Variants in CHSY3 observed in about 807,000 individuals in gnomAD.
The protein encoded by CHSY3 is chondroitin sulfate synthase 3.
Under a neutral mutation model 67.2 loss-of-function variants are expected in CHSY3, and 35 were observed. The ratio of observed to expected loss-of-function variants is 0.52; its 90% CI spans 0.40 to 0.69. The LOEUF (loss-of-function observed/expected upper bound fraction) is 0.69, where lower values mean the gene tolerates loss of function less well. Among genes scored for constraint, CHSY3 ranks in the 30% least tolerant of loss-of-function variants. The pLI is 0.00. For synonymous variants in CHSY3, 474 were observed against 434.7 expected, an observed-to-expected ratio of 1.09 and a Z score of -1.12; for missense variants, 1,069 against 1,138.5, an observed-to-expected ratio of 0.94 and a Z score of 0.88.
At chr5:130,028,046 C>T (rs527347363) in intron 2 of CHSY3, among the ~76,000 whole-genome samples, 1 of 152,274 alleles carries the variant, frequency 6.6e-6, no homozygotes, top group Admixed American at 6.5e-5. Context: ...GGAATCACCA[C>T]ACTGTCTTCC....
intron 2 of CHSY3, among the ~76,000 whole-genome samples, chr5:129,921,174 A>G (rs1052354767): frequency 2.6e-5 from 4 of 152,074 alleles, no homozygotes; most frequent in Non-Finnish European, 4.4e-5. Flanking sequence ...GAGACATTAT[A>G]TGGCTTCTCT....
At chr5:130,166,971 A>G (rs1272556894) in intron 2 of CHSY3, among the ~76,000 whole-genome samples, 2 of 152,120 alleles carry the variant, frequency 1.3e-5, no homozygotes, top group Non-Finnish European at 2.9e-5. Context: ...TCAAAGAAAA[A>G]TTACTAAAGG....
intron 2 of CHSY3, among the ~76,000 whole-genome samples, chr5:130,151,109 G>A (rs1380529271): frequency 1.3e-5 from 2 of 152,184 alleles, no homozygotes. Context: ...TGGATATTTT[G>A]TGGGGATTAT....
intron 2 of CHSY3, among the ~76,000 whole-genome samples, chr5:129,949,313 A>C (rs956374284): frequency 6.6e-6 from 1 of 152,188 alleles, no homozygotes; most frequent in Non-Finnish European, 1.5e-5. Flanking sequence ...ATAAGAAACT[A>C]TGAACAATTA....
At chr5:129,976,913 C>CATAT (rs5871372) in intron 2 of CHSY3, among the ~76,000 whole-genome samples, 12,337 of 146,394 alleles carry the variant, frequency 0.084, 714 homozygotes, top group East Asian at 0.23. Flanking sequence ...ATAGAGAAGA[C>CATAT]ATATATATAT....
intron 2 of CHSY3, among the ~76,000 whole-genome samples, chr5:130,178,648 A>G (rs1275309584): frequency 2.0e-5 from 3 of 152,086 alleles, no homozygotes; most frequent in East Asian, 3.9e-4. Flanking sequence ...AATATTCTCT[A>G]TTTCTATAGA....
At chr5:129,993,495 G>A (rs7445159) in intron 2 of CHSY3, among the ~76,000 whole-genome samples, 47,170 of 151,744 alleles carry the variant, frequency 0.31, 7,730 homozygotes, top group South Asian at 0.44. Context: ...ATCTTTGTTC[G>A]TTTAAAGTCT....
chr5:130,001,419 A>G (rs987310190), intron 2 of CHSY3: 1 of 871,330 alleles, frequency 1.1e-6, no homozygotes, highest in Non-Finnish European at 1.4e-6. Context: ...GCTGCTGAAG[A>G]AATTACCAGA....
intron 2 of CHSY3, among the ~76,000 whole-genome samples, chr5:130,069,645 T>C (rs1765996943): frequency 6.6e-6 from 1 of 152,146 alleles, no homozygotes. Context: ...CTTATGGCTT[T>C]ATTTACATAT....
chr5:130,121,872 A>G (rs1020576631), intron 2 of CHSY3, among the ~76,000 whole-genome samples: 1 of 152,068 alleles, frequency 6.6e-6, no homozygotes, highest in African/African-American at 2.4e-5. Flanking sequence ...TAGAACATGT[A>G]ATGGGCTGAC....
In CHSY3 at chr5:130,184,720, C is replaced by T; in HGVS notation, c.1578C>T (p.Tyr526=). The T allele has an allele frequency of 6.2e-7, 1 of 1,608,022 alleles. No homozygotes were observed. Among genetic ancestry groups the T allele is most frequent in the Non-Finnish European group, 8.5e-7 (1 of 1,174,712 alleles). ...ACTTCAAGGAAATTCAGTATGGCTACCGCAGAGTTAACCCCATGCACGGGG... is the reference window on the plus strand; with the variant it reads ...ACTTCAAGGAAATTCAGTATGGCTATCGCAGAGTTAACCCCATGCACGGGG... The part of the protein sequence containing the change: ...LIDFKEIQYG[Y]RRVNPMHGVE... The change falls in exon 3 of 3, where the codon TAC becomes TAT. Residue 526 remains tyrosine, a synonymous_variant. Coordinates refer to ENST00000305031, the MANE Select transcript of CHSY3 (RefSeq NM_175856.5).
At chr5:129,950,704 A>C (rs1761999578) in intron 2 of CHSY3, among the ~76,000 whole-genome samples, 1 of 152,198 alleles carries the variant, frequency 6.6e-6, no homozygotes, top group Admixed American at 6.5e-5. Context: ...AAATTTAACA[A>C]GGTGGTGAAA....
At chr5:130,181,609 C>A (rs1233393242) in intron 2 of CHSY3, among the ~76,000 whole-genome samples, 3 of 152,128 alleles carry the variant, frequency 2.0e-5, no homozygotes, top group African/African-American at 7.2e-5. Flanking sequence ...ATATCTTAAG[C>A]AGCAGTTCAG....
chr5:129,998,094 C>T lies in CHSY3; in HGVS notation c.1086+89734C>T, dbSNP rs1159732397. Among the ~76,000 whole-genome samples, 3 of 152,120 alleles carry T rather than the reference C, an allele frequency of 2.0e-5. No homozygotes were observed. In the East Asian group the frequency reaches 5.8e-4, roughly 29 times the overall value. On this transcript the variant is annotated intron_variant, in intron 2 of 2. Coordinates refer to ENST00000305031, the MANE Select transcript of CHSY3 (RefSeq NM_175856.5). ...CTTGAGGAATCACCACACTGTCTTCCACAATGGTTGAACTAATTTACACTC... is the reference window on the plus strand; with the variant it reads ...CTTGAGGAATCACCACACTGTCTTCTACAATGGTTGAACTAATTTACACTC...
At chr5:130,086,725 A>G (rs1315407153) in intron 2 of CHSY3, among the ~76,000 whole-genome samples, 3 of 152,286 alleles carry the variant, frequency 2.0e-5, no homozygotes, top group African/African-American at 7.2e-5. Context: ...GCAATAATCA[A>G]TAGCTTACCA....
intron 2 of CHSY3, among the ~76,000 whole-genome samples, chr5:129,986,841 C>A (rs1763219392): frequency 6.6e-6 from 1 of 152,002 alleles, no homozygotes; most frequent in Non-Finnish European, 1.5e-5. Context: ...CAGGGTTTTG[C>A]CATCTTTCCC....
intron 2 of CHSY3, among the ~76,000 whole-genome samples, chr5:129,925,051 G>A (rs1761056377): frequency 6.6e-6 from 1 of 152,114 alleles, no homozygotes; most frequent in Non-Finnish European, 1.5e-5. Flanking sequence ...TAAAAAATAA[G>A]TAAACAAATA....
At chr5:130,073,494 G>A (rs879770221) in intron 2 of CHSY3, among the ~76,000 whole-genome samples, 8 of 152,024 alleles carry the variant, frequency 5.3e-5, no homozygotes, top group Admixed American at 5.3e-4. Context: ...CACCATGTTG[G>A]CCAGGCTGGT....
At chr5:130,090,763 G>A (rs575991882) in intron 2 of CHSY3, among the ~76,000 whole-genome samples, 1 of 152,116 alleles carries the variant, frequency 6.6e-6, no homozygotes, top group Non-Finnish European at 1.5e-5. Flanking sequence ...TGCCCATTCA[G>A]TGTGATATCA....
Sources: gnomAD v4.1 joint callset for allele counts (sites outside exome capture counted in the v4.1 genomes callset) on GRCh38, gnomAD v4.1.1 for gene constraint, MANE v1.5 for transcripts, NCBI Gene and HGNC (gene_info 2026-07-23, HGNC 2026-07-21) for gene names.